BIRC6: variants seen among roughly 807,000 people sequenced by gnomAD.
BIRC6 encodes dual E2 ubiquitin-conjugating enzyme/E3 ubiquitin-protein ligase BIRC6.
BIRC6 carries 98 observed loss-of-function variants against 503.3 expected under a neutral mutation model. The observed-to-expected ratio is 0.19, with a 90% CI of 0.17 to 0.23. The LOEUF (loss-of-function observed/expected upper bound fraction) is 0.23, where lower values mean the gene tolerates loss of function less well. Ranked by LOEUF, BIRC6 falls within the 10% of genes least tolerant of loss-of-function variation. The pLI is 1.00. For missense variants in BIRC6, 5,360 were observed against 5,806.0 expected (o/e 0.92, Z 2.50); for synonymous variants, 2,240 against 2,078.7 (o/e 1.08, Z -2.11).
intron 20 of BIRC6, among the ~76,000 whole-genome samples, chr2:32,445,199 G>T (rs557106345): frequency 6.6e-6 from 1 of 152,146 alleles, no homozygotes; most frequent in Admixed American, 6.5e-5. Flanking sequence ...CTATTTCGAA[G>T]TGTCCCTCAG....
chr2:32,416,391 T>C (rs1385643802), intron 10 of BIRC6, among the ~76,000 whole-genome samples: 1 of 152,102 alleles, frequency 6.6e-6, no homozygotes, highest in Non-Finnish European at 1.5e-5. Flanking sequence ...GCAAGTATCT[T>C]CTGCTTTAAC....
intron 66 of BIRC6, among the ~76,000 whole-genome samples, chr2:32,582,413 A>G (rs1247810198): frequency 6.6e-6 from 1 of 152,148 alleles, no homozygotes; most frequent in Non-Finnish European, 1.5e-5. Context: ...TAGAGTAGGT[A>G]GAACCAATAT....
intron 40 of BIRC6, among the ~76,000 whole-genome samples, chr2:32,486,609 G>T (rs1274661882): frequency 6.6e-6 from 1 of 152,150 alleles, no homozygotes. Context: ...AGTGAAGAAG[G>T]GGTAGAGATA....
intron 57 of BIRC6, chr2:32,522,988 C>G (rs981549225): frequency 6.6e-5 from 10 of 152,214 alleles, no homozygotes; most frequent in Admixed American, 5.9e-4. Context: ...CTTTTCCAGA[C>G]AGCTCACACA....
intron 66 of BIRC6, among the ~76,000 whole-genome samples, chr2:32,575,911 A>G (rs1160903511): frequency 3.9e-5 from 6 of 152,204 alleles, no homozygotes; most frequent in South Asian, 2.1e-4. Flanking sequence ...TCTCATAGCT[A>G]TAGGTATGAA....
intron 46 of BIRC6, among the ~76,000 whole-genome samples, chr2:32,500,609 T>G (rs1249149890): frequency 6.9e-6 from 1 of 143,982 alleles, no homozygotes; most frequent in African/African-American, 2.5e-5. Context: ...TGTTTTTGTT[T>G]TTTTTTTTTT....
chr2:32,401,066 C>T, intron 6 of BIRC6, 97 bp from the exon 7 acceptor site: 1 of 1,014,530 alleles, frequency 9.9e-7, no homozygotes, highest in Non-Finnish European at 1.5e-6. Context: ...ACTTTAAGTT[C>T]AGTTAAAAAA....
In BIRC6 at chr2:32,477,319, T is replaced by A. The variant is rs764940268; in HGVS notation, c.6853-49T>A. On this transcript the variant is annotated intron_variant, in intron 34 of 73. Coordinates refer to ENST00000421745, the MANE Select transcript of BIRC6 (RefSeq NM_016252.4). Reference sequence around the variant, plus strand: ...ATTACATAAATCTATACTGAAAAAATTTTCATTAAGTAAACATTGATTTAA... The same window carrying A: ...ATTACATAAATCTATACTGAAAAAAATTTCATTAAGTAAACATTGATTTAA... 9 of 1,571,606 alleles carry A rather than the reference T, an allele frequency of 5.7e-6. No homozygotes were observed. In the East Asian group the frequency reaches 9.0e-5, roughly 16 times the overall value.
intron 61 of BIRC6, among the ~76,000 whole-genome samples, chr2:32,541,894 C>A (rs2057691048): frequency 6.6e-6 from 1 of 152,094 alleles, no homozygotes; most frequent in African/African-American, 2.4e-5. Flanking sequence ...GTACTATAAA[C>A]TGCAAATCTT....
chr2:32,388,460 G>A (rs2038792968), intron 3 of BIRC6, among the ~76,000 whole-genome samples: 1 of 151,530 alleles, frequency 6.6e-6, no homozygotes, highest in African/African-American at 2.4e-5. Context: ...TTCCTCCTAA[G>A]CTTCCCAAAG....
At chr2:32,507,950 T>C (rs2053975182) in intron 50 of BIRC6, 30 bp from the exon 51 acceptor site, 1 of 1,597,898 alleles carries the variant, frequency 6.3e-7, no homozygotes. Flanking sequence ...ACTTTGTCTT[T>C]TGTGATGATT....
At position 32,482,460 on chromosome 2, in the gene BIRC6, G is replaced by A; in HGVS notation, c.7574G>A (p.Gly2525Asp). The change falls in exon 39 of 74, where the codon GGT becomes GAT. Residue 2525 changes from glycine to aspartate, a missense_variant. Coordinates refer to ENST00000421745, the MANE Select transcript of BIRC6 (RefSeq NM_016252.4). ...PISSTWYDYW[G>D]ADYGTYNYNP... The stretch of plus-strand genomic sequence containing the variant: ...AGCAGTACATGGTATGATTATTGGG[G>A]TGCTGATTATGGGACCTACAATTAC... 3.1e-6 allele frequency: 5 copies of A among 1,613,854 alleles called. No individual in the cohort carries two copies. Among genetic ancestry groups the A allele is most frequent in the Non-Finnish European group, 4.2e-6 (5 of 1,179,834 alleles).
intron 9 of BIRC6, among the ~76,000 whole-genome samples, chr2:32,407,612 G>T (rs1353035099): frequency 6.6e-6 from 1 of 152,110 alleles, no homozygotes; most frequent in Non-Finnish European, 1.5e-5. Context: ...CTTTTTAGAA[G>T]AGGAATGGTT....
rs760928707 is a variant in BIRC6, at chr2:32,430,969, C to T, written c.3127C>T (p.Pro1043Ser). 3.8e-5 allele frequency: 62 copies of T among 1,613,252 alleles called. No homozygotes were observed. Among genetic ancestry groups the T allele is most frequent in the Non-Finnish European group, 5.1e-5 (60 of 1,179,778 alleles). The part of the protein sequence containing the change: ...TLTPRFSATV[P>S]PCWVEVQQEQ... Reference sequence around the variant, plus strand: ...GACTCCAAGGTTTTCAGCGACTGTTCCTCCATGCTGGGTAGAAGTTCAACA... The same window carrying T: ...GACTCCAAGGTTTTCAGCGACTGTTTCTCCATGCTGGGTAGAAGTTCAACA... The change falls in exon 12 of 74, where the codon CCT becomes TCT. Residue 1043 changes from proline (P) to serine (S), a missense_variant. By Grantham distance (74) the Pro-to-Ser change is moderately conservative. Around this residue, in one of 16 missense-constraint regions of BIRC6, gnomAD observed 700 missense variants for 739.3 expected, o/e 0.95. Coordinates refer to ENST00000421745, the MANE Select transcript of BIRC6 (RefSeq NM_016252.4).
At chr2:32,556,700 G>C (rs1442766084) in intron 65 of BIRC6, among the ~76,000 whole-genome samples, 2 of 152,096 alleles carry the variant, frequency 1.3e-5, no homozygotes, top group Non-Finnish European at 2.9e-5. Context: ...TGTAATCCCA[G>C]CTCTTTGAGA....
At chr2:32,611,836 G>A (rs943551633) in intron 73 of BIRC6, among the ~76,000 whole-genome samples, 1 of 152,116 alleles carries the variant, frequency 6.6e-6, no homozygotes, top group African/African-American at 2.4e-5. Context: ...GTTCCTTGAA[G>A]ATAATGATGA....
intron 37 of BIRC6, among the ~76,000 whole-genome samples, 193 bp downstream of exon 37, chr2:32,479,810 A>G (rs1412453125): frequency 6.6e-6 from 1 of 152,240 alleles, no homozygotes; most frequent in Non-Finnish European, 1.5e-5. Flanking sequence ...CTATAATTTC[A>G]TAATATCCTA....
chr2:32,527,534 A>G (rs2056376399), intron 59 of BIRC6: 1 of 152,208 alleles, frequency 6.6e-6, no homozygotes, highest in Non-Finnish European at 1.5e-5. Context: ...AGAATGCCAT[A>G]TATGTTGTTG....
intron 10 of BIRC6, among the ~76,000 whole-genome samples, chr2:32,426,180 TGA>T (rs1037874414): frequency 3.9e-5 from 6 of 152,246 alleles, no homozygotes; most frequent in African/African-American, 1.4e-4. Flanking sequence ...TACTTTTTTT[TGA>T]GTTATATTTT....
Sources: allele counts gnomAD v4.1 joint callset (sites outside exome capture counted in the v4.1 genomes callset), GRCh38; gene constraint gnomAD v4.1.1; regional missense constraint gnomAD v4.1.1; transcripts MANE v1.5; gene names NCBI Gene and HGNC (gene_info 2026-07-23, HGNC 2026-07-21).